SLC35E4: variants seen among roughly 807,000 people sequenced by gnomAD.
The protein encoded by SLC35E4 is solute carrier family 35, member E4.
Under a neutral mutation model 19.3 loss-of-function variants are expected in SLC35E4, and 15 were observed. The observed-to-expected ratio is 0.78, with a 90% confidence interval of 0.52 to 1.20. The LOEUF is 1.20. Ranked by LOEUF, SLC35E4 falls within the 50% of genes most tolerant of loss-of-function variation. SLC35E4 has a pLI of 0.00. For synonymous variants in SLC35E4, 219 were observed against 219.9 expected (o/e 1.00, Z 0.04); for missense variants, 406 against 472.3 (o/e 0.86, Z 1.30).
downstream of SLC35E4, among the ~76,000 whole-genome samples, chr22:30,651,415 ATATATATATATATTTTTTTTTTT>A (rs1569061949): frequency 2.8e-4 from 19 of 67,178 alleles, no homozygotes; most frequent in East Asian, 7.6e-3. Context: ...ATATATATAT[ATATATATATATATTTTTTTTTTT>A]TTTTTTTTTT....
chr22:30,650,313 CAAGAGCAAGACTTCGTCTCAAAAAAAAAA>C (rs2088188972), downstream of SLC35E4, among the ~76,000 whole-genome samples: 1 of 148,630 alleles, frequency 6.7e-6, no homozygotes, highest in South Asian at 2.1e-4. Flanking sequence ...GCCTGGGGGA[CAAGAGCAAGACTTCGTCTCAAAAAAAAAA>C]AAAATTAGAC....
chr22:30,663,440 C>A, downstream of SLC35E4: 1 of 1,607,434 alleles, frequency 6.2e-7, no homozygotes, highest in African/African-American at 1.3e-5. Context: ...GGATGGCTCA[C>A]AGTGGAATCA....
downstream of SLC35E4, among the ~76,000 whole-genome samples, chr22:30,652,758 A>G (rs1323046540): frequency 6.6e-6 from 1 of 152,268 alleles, no homozygotes; most frequent in Admixed American, 6.5e-5. Flanking sequence ...GGTGTCCACC[A>G]AAGTGAGTGA....
chr22:30,660,245 G>C (rs1385905176), intron 2 of SLC35E4, among the ~76,000 whole-genome samples: 2 of 152,160 alleles, frequency 1.3e-5, no homozygotes, highest in Non-Finnish European at 2.9e-5. Flanking sequence ...CTAAGTTTGT[G>C]GTAATTTGTT....
In SLC35E4 at chr22:30,659,330, C is replaced by A. The variant is rs549599221; in HGVS notation, c.*9-2730C>A. 5.9e-5 allele frequency among the ~76,000 whole-genome samples: 9 copies of A among 152,068 alleles called. No homozygotes were observed. In the South Asian group the frequency reaches 8.3e-4, roughly 14 times the overall value. ...CACAAAGAACAAGGAAAGTCTGGAC[C>A]CTGAGATGACCCAGATGTTGGAATT... On this transcript the variant is annotated intron_variant, in intron 2 of 2. Coordinates refer to the SLC35E4 transcript ENST00000406566.
rs1397845594 is a variant in SLC35E4 at position 30,647,164 on chromosome 22, G to A, written c.*133G>A. The A allele has an allele frequency of 1.3e-5, 14 of 1,119,558 alleles. No homozygotes were observed. The highest frequency in any genetic ancestry group is 3.2e-5 in the African/African-American group (2 of 63,270). The allele number at this position is 1,119,558 out of a possible 1,614,324, so 69.4% of individuals were successfully genotyped here. A position where few individuals can be genotyped will look rare whatever the true frequency, so the allele number is the denominator to read the frequency against. On this transcript the variant is annotated 3_prime_UTR_variant, in exon 2 of 2. Transcript: ENST00000343605. The stretch of plus-strand genomic sequence containing the variant: ...TATAATCCCAGCACTTCCAGAGTCC[G>A]AGGTGGGTGGATCACCTGAGGCCAG...
downstream of SLC35E4, among the ~76,000 whole-genome samples, chr22:30,652,500 A>G (rs1185590379): frequency 6.6e-6 from 1 of 152,192 alleles, no homozygotes. Flanking sequence ...TATAAACTAT[A>G]AACTAAGTTT....
chr22:30,655,897 G>A (rs559042559), intron 2 of SLC35E4, among the ~76,000 whole-genome samples: 7 of 152,082 alleles, frequency 4.6e-5, no homozygotes, highest in Admixed American at 4.6e-4. Context: ...GTGATATTGG[G>A]TCACGATCCA....
chr22:30,665,397 G>A (rs185616817), downstream of SLC35E4: 39 of 375,496 alleles, frequency 1.0e-4, no homozygotes, highest in East Asian at 1.6e-3. Context: ...CAGGTGAACC[G>A]AGCCACTTAC....
chr22:30,651,367 A>ATT (rs35299835), downstream of SLC35E4, among the ~76,000 whole-genome samples: 187 of 76,948 alleles, frequency 2.4e-3, 1 homozygote, highest in South Asian at 6.4e-3. Flanking sequence ...CACGTGGCTA[A>ATT]TTTTTGTGTG....
downstream of SLC35E4, chr22:30,663,897 T>C (rs2088562488): frequency 6.2e-7 from 1 of 1,614,134 alleles, no homozygotes; most frequent in African/African-American, 1.3e-5. Flanking sequence ...GAGCTTGTTG[T>C]TGGCGGCCAC....
chr22:30,663,638 G>A (rs1453536658), downstream of SLC35E4: 6 of 1,614,246 alleles, frequency 3.7e-6, no homozygotes, highest in Non-Finnish European at 4.2e-6. Context: ...ACATGGCGTG[G>A]TACTTCATGA....
chr22:30,641,404 G>A (rs577806699), intron 1 of SLC35E4, among the ~76,000 whole-genome samples: 1 of 152,308 alleles, frequency 6.6e-6, no homozygotes, highest in South Asian at 2.1e-4. Flanking sequence ...CCCTATCATG[G>A]TTCCAAATGC....
chr22:30,649,047 C>T, downstream of SLC35E4: 1 of 626,880 alleles, frequency 1.6e-6, no homozygotes, highest in Non-Finnish European at 2.9e-6. Context: ...TCTCCCCAGC[C>T]AGCTACCTCT....
intron 1 of SLC35E4, among the ~76,000 whole-genome samples, chr22:30,641,238 C>T (rs751089575): frequency 6.6e-6 from 1 of 152,232 alleles, no homozygotes; most frequent in African/African-American, 2.4e-5. Flanking sequence ...AATGGCCGGC[C>T]AGGCCTCAGG....
chr22:30,666,361 C>G (rs1261442935), downstream of SLC35E4, among the ~76,000 whole-genome samples: 3 of 152,112 alleles, frequency 2.0e-5, no homozygotes, highest in African/African-American at 7.2e-5. Context: ...TGGCTTAAGC[C>G]TATAATCCCA....
intron 2 of SLC35E4, among the ~76,000 whole-genome samples, chr22:30,657,302 C>A (rs150737191): frequency 0.044 from 1,697 of 38,338 alleles, 18 homozygotes; most frequent in East Asian, 0.27. Flanking sequence ...CACACACACA[C>A]ACACAAATTA....
At position 30,636,230 on chromosome 22, in the gene SLC35E4, C is replaced by T. The variant is rs573674021; in HGVS notation, c.-221C>T. On this transcript the variant is annotated 5_prime_UTR_variant, in exon 1 of 2. Transcript: ENST00000343605. ...AGCATCGGAGACCCTGGCATCCTAG[C>T]AGCCGCGACCTTGGCTCTGCCCTGT... The T allele has an allele frequency of 1.4e-5, 8 of 590,044 alleles. No homozygotes were observed. In the Admixed American group the frequency reaches 2.8e-4, roughly 20 times the overall value. 36.6% of individuals were successfully genotyped at this position (590,044 alleles called of 1,614,324 possible).
intron 2 of SLC35E4, among the ~76,000 whole-genome samples, chr22:30,657,364 CAGG>C (rs1413191918): frequency 1.3e-5 from 2 of 151,066 alleles, no homozygotes; most frequent in East Asian, 3.9e-4. Context: ...GAGGCTGAGG[CAGG>C]AGAATTGCTT....
Sources: allele counts gnomAD v4.1 joint callset (sites outside exome capture counted in the v4.1 genomes callset), GRCh38; gene constraint gnomAD v4.1.1; transcripts MANE v1.5; gene names NCBI Gene and HGNC (gene_info 2026-07-23, HGNC 2026-07-21).